SCML4: variants seen among roughly 807,000 people sequenced by gnomAD.
SCML4 encodes sex comb on midleg-like protein 4.
A neutral mutation model predicts 41.1 loss-of-function variants in SCML4; 34 were observed. The ratio of observed to expected loss-of-function variants is 0.83; its 90% CI spans 0.63 to 1.10. The LOEUF (loss-of-function observed/expected upper bound fraction) is 1.10, where lower values mean the gene tolerates loss of function less well. Ranked by LOEUF, SCML4 falls within the 50% of genes least tolerant of loss-of-function variation. The pLI, the probability that SCML4 is intolerant of heterozygous loss-of-function variation, is 0.00. For synonymous variants in SCML4, 214 were observed against 220.9 expected, an observed-to-expected ratio of 0.97 and a Z score of 0.28; for missense variants, 522 against 534.1, an observed-to-expected ratio of 0.98 and a Z score of 0.22.
rs111785367 is a variant in SCML4 at position 107,722,091 on chromosome 6, G to A, written c.683-1098C>T. Reference sequence around the variant, plus strand: ...TGCAACCTCCACCTCTCTGGTTGAAGCGATTCTCTTGCCTCAGACTCCCGA... The same window carrying A: ...TGCAACCTCCACCTCTCTGGTTGAAACGATTCTCTTGCCTCAGACTCCCGA... On this transcript the variant is annotated intron_variant, in intron 5 of 7. Coordinates refer to ENST00000369020, the MANE Select transcript of SCML4 (RefSeq NM_198081.5). Among the ~76,000 whole-genome samples the A allele has an allele frequency of 1.1e-3, 162 of 151,120 alleles. 4 individuals carry two copies. The highest frequency in any genetic ancestry group is 3.7e-3 in the African/African-American group (153 of 41,160).
chr6:107,745,083 C>T lies in SCML4; in HGVS notation c.548G>A (p.Gly183Asp), dbSNP rs1167715778. The T allele has an allele frequency of 6.2e-7, 1 of 1,612,516 alleles. No homozygotes were observed. Among genetic ancestry groups the T allele is most frequent in the Non-Finnish European group, 8.5e-7 (1 of 1,179,234 alleles). ...CTTGGCGAGGAAGCGGAGGACATAG[C>T]CGATGCTGTTCACCACAGGCAGGCT... ...LRSLPVVNSIGYVLRFLAKLC... is the reference protein window; with the variant it reads ...LRSLPVVNSIDYVLRFLAKLC... Residue 183 changes from glycine to aspartate, a missense_variant, in exon 5 of 8, where the codon GGC becomes GAC. Transcript: ENST00000369020.
chr6:107,740,305 T>C, intron 5 of SCML4: 1 of 387,484 alleles, frequency 2.6e-6, no homozygotes, highest in Middle Eastern at 3.7e-4. Context: ...CACCAACAGA[T>C]GACCACCCAC....
At chr6:107,734,625 T>A (rs527982417) in intron 5 of SCML4, among the ~76,000 whole-genome samples, 1 of 152,294 alleles carries the variant, frequency 6.6e-6, no homozygotes, top group East Asian at 1.9e-4. Context: ...TTCAATATTT[T>A]AAAATATGTA....
intron 1 of SCML4, among the ~76,000 whole-genome samples, chr6:107,813,091 G>A (rs1784278939): frequency 1.3e-5 from 2 of 151,750 alleles, no homozygotes; most frequent in South Asian, 2.1e-4. Context: ...GGCTGGGCAT[G>A]GTGGCTCATG....
Position 107,802,708 on chromosome 6 carries a change from T to TCCTCTC in SCML4, c.-60+21412_-60+21417dup, listed in dbSNP as rs1562273232. ...TCCCTCCCCCTCCTCTCCCTCTCCC[T>TCCTCTC]CCTCTCCCTCTCCCTCTCCCCCTCC... On this transcript the variant is annotated intron_variant, in intron 1 of 7. Transcript: ENST00000369020. Among the ~76,000 whole-genome samples the TCCTCTC allele has an allele frequency of 2.6e-5, 3 of 117,418 alleles. No individual in the cohort carries two copies. The East Asian group carries it at 8.2e-4, about 32-fold the overall frequency. 77.0% of individuals were successfully genotyped at this position (117,418 alleles called of 152,430 possible).
At chr6:107,712,776 C>A (rs1217387895) in intron 6 of SCML4, among the ~76,000 whole-genome samples, 1 of 152,198 alleles carries the variant, frequency 6.6e-6, no homozygotes, top group African/African-American at 2.4e-5. Context: ...AATAAATACA[C>A]TAGCCACTCC....
chr6:107,802,633 A>AGGAAG (rs1259745895), intron 1 of SCML4, among the ~76,000 whole-genome samples: 3 of 139,978 alleles, frequency 2.1e-5, no homozygotes, highest in African/African-American at 8.3e-5. Context: ...GAAGGAAGGA[A>AGGAAG]GGAAAGAAAA....
At chr6:107,809,648 A>T (rs1784011561) in intron 1 of SCML4, among the ~76,000 whole-genome samples, 1 of 152,228 alleles carries the variant, frequency 6.6e-6, no homozygotes, top group South Asian at 2.1e-4. Flanking sequence ...TGATACCTTC[A>T]ATGAAGACAG....
At chr6:107,719,884 C>T (rs911374528) in intron 6 of SCML4, 60 of 984,904 alleles carry the variant, frequency 6.1e-5, no homozygotes, top group Non-Finnish European at 6.0e-5. Flanking sequence ...GGCCTTTAGG[C>T]ACTATCAAAA....
chr6:107,780,238 G>T (rs925495672), intron 1 of SCML4, among the ~76,000 whole-genome samples: 1 of 151,946 alleles, frequency 6.6e-6, no homozygotes, highest in Non-Finnish European at 1.5e-5. Flanking sequence ...CCTTCATACC[G>T]TTAAAAGAAT....
chr6:107,817,216 A>G (rs1454489913), intron 1 of SCML4, among the ~76,000 whole-genome samples: 1 of 152,148 alleles, frequency 6.6e-6, no homozygotes, highest in African/African-American at 2.4e-5. Flanking sequence ...ATCTCACACT[A>G]CCGTGGTCCC....
chr6:107,841,687 A>C, the SCML4 span, among the ~76,000 whole-genome samples: 1 of 152,210 alleles, frequency 6.6e-6, no homozygotes, highest in Non-Finnish European at 1.5e-5. Flanking sequence ...TATCATAAGC[A>C]CTCAATAAAT....
At chr6:107,817,777 A>G (rs1338886975) in intron 1 of SCML4, among the ~76,000 whole-genome samples, 1 of 152,114 alleles carries the variant, frequency 6.6e-6, no homozygotes, top group Non-Finnish European at 1.5e-5. Flanking sequence ...CCAATCCTCT[A>G]TACCATCATA....
the SCML4 span, among the ~76,000 whole-genome samples, chr6:107,839,804 C>T: frequency 6.6e-6 from 1 of 152,260 alleles, no homozygotes; most frequent in South Asian, 2.1e-4. Context: ...GCTGCCCAGG[C>T]TTGTCTCAAA....
chr6:107,755,645 T>C, intron 2 of SCML4: 3 of 1,329,458 alleles, frequency 2.3e-6, no homozygotes, highest in Non-Finnish European at 2.0e-6. Context: ...GGCATTTGTC[T>C]TTGTTGTTGC....
chr6:107,764,085 C>T (rs868082432), intron 2 of SCML4, among the ~76,000 whole-genome samples: 2 of 152,214 alleles, frequency 1.3e-5, no homozygotes, highest in Non-Finnish European at 2.9e-5. Flanking sequence ...GAATAACTCA[C>T]CATGTTTAAC....
At chr6:107,820,208 G>A (rs1249964918) in intron 1 of SCML4, among the ~76,000 whole-genome samples, 1 of 152,186 alleles carries the variant, frequency 6.6e-6, no homozygotes, top group Non-Finnish European at 1.5e-5. Context: ...AGAAGCAGGA[G>A]CCCAGCAATG....
At chr6:107,759,251 G>A (rs1427385172) in intron 2 of SCML4, among the ~76,000 whole-genome samples, 1 of 151,860 alleles carries the variant, frequency 6.6e-6, no homozygotes, top group Non-Finnish European at 1.5e-5. Context: ...GACGGCTTGA[G>A]CCTGGGAGGC....
intron 2 of SCML4, among the ~76,000 whole-genome samples, chr6:107,765,676 G>A (rs182506552): frequency 1.3e-4 from 20 of 152,074 alleles, no homozygotes; most frequent in African/African-American, 4.8e-4. Flanking sequence ...AAAAACAAAA[G>A]TAATAAATAC....
Sources: gnomAD v4.1 joint callset for allele counts (sites outside exome capture counted in the v4.1 genomes callset) on GRCh38, gnomAD v4.1.1 for gene constraint, MANE v1.5 for transcripts, NCBI Gene and HGNC (gene_info 2026-07-23, HGNC 2026-07-21) for gene names.